Variants in PADI6 observed in about 807,000 individuals in gnomAD.
PADI6 encodes peptidyl arginine deiminase 6.
Under a neutral mutation model 78.2 loss-of-function variants are expected in PADI6, and 66 were observed. The ratio of observed to expected loss-of-function variants is 0.84; its 90% CI spans 0.69 to 1.04. PADI6 has a LOEUF of 1.04. Among genes scored for constraint, PADI6 ranks in the 50% least tolerant of loss-of-function variants. The pLI, the probability that PADI6 is intolerant of heterozygous loss-of-function variation, is 0.00. For missense variants in PADI6, 854 were observed against 866.1 expected, an observed-to-expected ratio of 0.99 and a Z score of 0.18; for synonymous variants, 397 against 346.9, an observed-to-expected ratio of 1.14 and a Z score of -1.60.
Position 17,388,365 on chromosome 1 carries a change from C to G in PADI6, c.680-16C>G, listed in dbSNP as rs773006550. On this transcript the variant is annotated splice_polypyrimidine_tract_variant and intron_variant, in intron 6 of 15. Transcript: ENST00000619609. ...GGTTACTTCAGTGGCTGGTCCATCC[C>G]TTCTTTCTCTCCTAGAAGACAACTC... 7.5e-6 allele frequency: 12 copies of G among 1,597,802 alleles called. No homozygotes were observed. Among genetic ancestry groups the G allele is most frequent in the Non-Finnish European group, 1.0e-5 (12 of 1,171,390 alleles).
intron 1 of PADI6, among the ~76,000 whole-genome samples, chr1:17,372,589 C>T (rs941785452): frequency 6.6e-6 from 1 of 152,158 alleles, no homozygotes; most frequent in Non-Finnish European, 1.5e-5. Context: ...CTTAGTGAGG[C>T]AAGGGCCTTG....
rs200488264 is a variant in PADI6 at position 17,373,219 on chromosome 1, G to T, written c.280G>T (p.Val94Leu). 2,145 of 1,613,898 alleles carry T rather than the reference G, an allele frequency of 1.3e-3. 2 individuals are homozygous for T. Among genetic ancestry groups the T allele is most frequent in the Non-Finnish European group, 1.7e-3 (2,032 of 1,179,844 alleles). Reference sequence around the variant, plus strand: ...GAAGATGACATCGCCCAGCCCTTCCGTGGATGCGGATAAGGTAAGCCTCAG... The same window carrying T: ...GAAGATGACATCGCCCAGCCCTTCCTTGGATGCGGATAAGGTAAGCCTCAG... ...TVKMTSPSPSVDADKVSVTYY... is the reference protein window; with the variant it reads ...TVKMTSPSPSLDADKVSVTYY... The change falls in exon 2 of 16, where the codon GTG (valine) becomes TTG (leucine). Residue 94 changes from valine (V) to leucine (L), a missense_variant. Transcript: ENST00000619609.
intron 4 of PADI6, 58 bp downstream of exon 4, chr1:17,380,045 A>G (rs2075057765): frequency 6.5e-7 from 1 of 1,546,954 alleles, no homozygotes; most frequent in South Asian, 1.1e-5. Context: ...ATCTGCCCAC[A>G]GGCTCACTTG....
At chr1:17,390,501 G>A (rs993778024) in intron 8 of PADI6, among the ~76,000 whole-genome samples, 1 of 151,306 alleles carries the variant, frequency 6.6e-6, no homozygotes, top group African/African-American at 2.4e-5. Flanking sequence ...CTACTCGGGA[G>A]GCTGAGGCAG....
chr1:17,397,240 G>T, intron 14 of PADI6, 99 bp downstream of exon 14: 1 of 1,313,454 alleles, frequency 7.6e-7, no homozygotes. Flanking sequence ...TGAAGTGTTG[G>T]GCGGCGGGGG....
At chr1:17,389,809 C>T (rs990164985) in intron 8 of PADI6, among the ~76,000 whole-genome samples, 2 of 152,222 alleles carry the variant, frequency 1.3e-5, no homozygotes, top group African/African-American at 2.4e-5. Flanking sequence ...GCCAGGGTGG[C>T]AGGAGCAGCC....
chr1:17,377,139 T>C (rs2100289387), intron 3 of PADI6, among the ~76,000 whole-genome samples: 1 of 151,794 alleles, frequency 6.6e-6, no homozygotes, highest in South Asian at 2.1e-4. Flanking sequence ...CATGCCCAGC[T>C]GACTTTATTT....
intron 8 of PADI6, among the ~76,000 whole-genome samples, chr1:17,390,858 A>G (rs2248453): frequency 0.65 from 98,462 of 152,110 alleles, 31,965 homozygotes; most frequent in African/African-American, 0.68. Context: ...TGTTCTTCAA[A>G]GAAACCCAAG....
In PADI6 at chr1:17,388,850, C is replaced by T. The variant is rs1448519180; in HGVS notation, c.932C>T (p.Thr311Ile). Residue 311 changes from threonine to isoleucine, a missense_variant, in exon 8 of 16, where the codon ACC (threonine) becomes ATC (isoleucine). By Grantham distance (89) the Thr-to-Ile change is moderately conservative (BLOSUM62 -1). Coordinates refer to ENST00000619609, the MANE Select transcript of PADI6 (RefSeq NM_207421.4). The part of the protein sequence containing the change: ...RVAPCVFIPC[T>I]QVPLEVYLCR... ...GCTCCCTGTGTCTTCATTCCCTGTA[C>T]CCAGGTGCCTCTGGAGGTTTACCTG... 1 of 1,613,708 alleles carries T rather than the reference C, an allele frequency of 6.2e-7. No individual in the cohort carries two copies. The highest frequency in any genetic ancestry group is 8.5e-7 in the Non-Finnish European group (1 of 1,179,802).
chr1:17,382,230 G>T, intron 6 of PADI6, 138 bp downstream of exon 6: 1 of 1,150,556 alleles, frequency 8.7e-7, no homozygotes, highest in Non-Finnish European at 1.2e-6. Flanking sequence ...TGTTGTGGCT[G>T]TACTTGTGTT....
chr1:17,391,811 G>A (rs1053042729), intron 8 of PADI6, among the ~76,000 whole-genome samples: 3 of 152,188 alleles, frequency 2.0e-5, no homozygotes, highest in African/African-American at 7.2e-5. Flanking sequence ...CGAAAGGAAG[G>A]GTACTTGCAG....
chr1:17,387,467 G>A (rs964715710), intron 6 of PADI6, among the ~76,000 whole-genome samples: 3 of 151,616 alleles, frequency 2.0e-5, no homozygotes, highest in African/African-American at 7.3e-5. Flanking sequence ...GAGGGGGGGG[G>A]GCCAGGCGTG....
intron 5 of PADI6, 46 bp from the exon 6 acceptor site, chr1:17,381,921 G>A: frequency 6.2e-7 from 1 of 1,610,140 alleles, no homozygotes; most frequent in Non-Finnish European, 8.5e-7. Context: ...CCCCCAGAGT[G>A]CTGGCCTCCA....
chr1:17,395,405 T>C (rs2075236473), intron 12 of PADI6, 135 bp from the exon 13 acceptor site: 1 of 1,163,650 alleles, frequency 8.6e-7, no homozygotes, highest in Non-Finnish European at 1.2e-6. Flanking sequence ...AATTTCACCA[T>C]GTTGGCCAGG....
intron 2 of PADI6, among the ~76,000 whole-genome samples, chr1:17,374,555 G>T (rs958247114): frequency 6.6e-6 from 1 of 152,158 alleles, no homozygotes; most frequent in Non-Finnish European, 1.5e-5. Context: ...GAACCCAGGA[G>T]GTGGAGGTTG....
intron 13 of PADI6, 28 bp downstream of exon 13, chr1:17,395,691 G>T: frequency 6.3e-7 from 1 of 1,585,070 alleles, no homozygotes; most frequent in African/African-American, 1.3e-5. Context: ...CCACAGAACA[G>T]AACTGGGGTC....
At chr1:17,400,247 C>T (rs1191273685) in intron 15 of PADI6, among the ~76,000 whole-genome samples, 1 of 150,424 alleles carries the variant, frequency 6.6e-6, no homozygotes, top group Non-Finnish European at 1.5e-5. Context: ...GGCGTGGTGT[C>T]TTACACCTGT....
chr1:17,391,247 TCTCG>T (rs2075180825), intron 8 of PADI6, among the ~76,000 whole-genome samples: 1 of 152,108 alleles, frequency 6.6e-6, no homozygotes, highest in Non-Finnish European at 1.5e-5. Flanking sequence ...TGAGATGGAG[TCTCG>T]CTCCGTTGCC....
intron 14 of PADI6, among the ~76,000 whole-genome samples, chr1:17,398,199 T>A (rs1016030169): frequency 6.6e-6 from 1 of 152,214 alleles, no homozygotes; most frequent in Non-Finnish European, 1.5e-5. Context: ...AGTGCATGGG[T>A]ACCCTGTTTT....
Sources: allele counts gnomAD v4.1 joint callset (sites outside exome capture counted in the v4.1 genomes callset), GRCh38; gene constraint gnomAD v4.1.1; transcripts MANE v1.5; gene names NCBI Gene and HGNC (gene_info 2026-07-23, HGNC 2026-07-21).